Variants in WNT5B observed in about 807,000 individuals in gnomAD.
WNT5B encodes the protein protein Wnt-5b.
A neutral mutation model predicts 36.5 loss-of-function variants in WNT5B; 18 were observed. The observed-to-expected ratio is 0.49, with a 90% CI of 0.34 to 0.73. The LOEUF (loss-of-function observed/expected upper bound fraction) is 0.73, where lower values mean the gene tolerates loss of function less well. Ranked by LOEUF, WNT5B falls within the 30% of genes least tolerant of loss-of-function variation. The pLI is 0.01. For missense variants in WNT5B, 424 were observed against 508.4 expected (o/e 0.83, Z 1.60); for synonymous variants, 213 against 212.3 (o/e 1.00, Z -0.03).
intron 1 of WNT5B, among the ~76,000 whole-genome samples, chr12:1,623,541 T>G (rs919340249): frequency 1.3e-5 from 2 of 152,154 alleles, no homozygotes; most frequent in East Asian, 3.9e-4. Flanking sequence ...AAATCTAAGC[T>G]TTGAACAGAG....
intron 3 of WNT5B, among the ~76,000 whole-genome samples, chr12:1,638,363 G>A (rs1344662424): frequency 1.3e-5 from 2 of 152,214 alleles, no homozygotes; most frequent in Non-Finnish European, 2.9e-5. Context: ...TGTGTCATAT[G>A]GGAACTCTAC....
chr12:1,627,068 A>G (rs543147903), upstream of WNT5B, among the ~76,000 whole-genome samples: 67 of 152,314 alleles, frequency 4.4e-4, no homozygotes, highest in Non-Finnish European at 5.7e-4. This position sits in a 1 kb window ranked among gnomAD's most constrained non-coding sequence, Gnocchi z 5.0. Flanking sequence ...ACAACAGATG[A>G]GCACGCCACA....
In WNT5B at chr12:1,633,694, T is replaced by C. The variant is rs926135433; in HGVS notation, c.328+789T>C. 6.6e-6 allele frequency among the ~76,000 whole-genome samples: 1 copy of C among 152,186 alleles called. No individual in the cohort carries two copies. Among genetic ancestry groups the C allele is most frequent in the African/African-American group, 2.4e-5 (1 of 41,444 alleles). ...TATCCCCAGGGCCATAAAAGGGAAG[T>C]GTTAGAATGCTGTGTTCCTTCTGCC... On this transcript the variant is annotated intron_variant, in intron 3 of 4. Transcript: ENST00000397196. This position sits in a 1 kb window ranked among gnomAD's most constrained non-coding sequence, Gnocchi z 4.8.
rs1004136891 is a variant in WNT5B, at chr12:1,632,130, T to A, written c.81-528T>A. 6.6e-6 allele frequency among the ~76,000 whole-genome samples: 1 copy of A among 152,324 alleles called. No individual in the cohort carries two copies. The highest frequency in any genetic ancestry group is 2.1e-4 in the South Asian group (1 of 4,826). On this transcript the variant is annotated intron_variant, in intron 2 of 4. Transcript: ENST00000397196. This position sits in a 1 kb window ranked among gnomAD's most constrained non-coding sequence, Gnocchi z 5.8. ...GTGATGTATGTAAAGTGATTGGATT[T>A]TAAAGGCCCAAAGGGAGTACCACGC... is the stretch of plus-strand genomic sequence containing the variant.
At chr12:1,639,595 CG>C (rs2094569945) in intron 3 of WNT5B, 88 bp from the exon 4 acceptor site, 29 of 1,375,716 alleles carry the variant, frequency 2.1e-5, no homozygotes, top group Non-Finnish European at 2.6e-5. Flanking sequence ...AGAGCCGTGG[CG>C]TGCGGGTCCG....
intron 1 of WNT5B, among the ~76,000 whole-genome samples, chr12:1,622,137 G>A (rs1452026594): frequency 7.7e-6 from 1 of 129,680 alleles, no homozygotes; most frequent in Non-Finnish European, 1.6e-5. Flanking sequence ...TTGAGACGGA[G>A]TCTCGCTCTG....
chr12:1,629,486 G>GGCAGGGTGGTGGGCTGGGC, intron 1 of WNT5B, 115 bp downstream of exon 1: 1 of 152,730 alleles, frequency 6.5e-6, no homozygotes, highest in Admixed American at 6.5e-5. Context: ...TGTTGCGGGC[G>GGCAGGGTGGTGGGCTGGGC]GCAGGGTGGT....
intron 4 of WNT5B, among the ~76,000 whole-genome samples, chr12:1,643,609 G>T (rs369344328): frequency 2.4e-4 from 36 of 148,576 alleles, no homozygotes; most frequent in African/African-American, 8.7e-4. Flanking sequence ...CAGGTGATCC[G>T]CCCGCCTTGG....
rs2094570381 is a variant in WNT5B at position 1,639,681 on chromosome 12, C to T, written c.329-3C>T. The T allele has an allele frequency of 6.5e-7, 1 of 1,543,240 alleles. No individual in the cohort carries two copies. Among genetic ancestry groups the T allele is most frequent in the Non-Finnish European group, 8.7e-7 (1 of 1,153,828 alleles). On this transcript the variant is annotated splice_polypyrimidine_tract_variant and splice_region_variant and intron_variant, in intron 3 of 4. Coordinates refer to ENST00000397196, the MANE Select transcript of WNT5B (RefSeq NM_032642.3). The stretch of plus-strand genomic sequence containing the variant: ...CGCTTACCGCCCTGGCCTCATTCTG[C>T]AGGCAGCCGAGAGACCGCCTTCACC...
intron 3 of WNT5B, among the ~76,000 whole-genome samples, chr12:1,637,134 G>T (rs2094563298): frequency 6.6e-6 from 1 of 152,162 alleles, no homozygotes; most frequent in African/African-American, 2.4e-5. Context: ...ACAGGTGTGA[G>T]TCACCACGCC....
At chr12:1,645,584 C>T (rs1018699510) in intron 4 of WNT5B, among the ~76,000 whole-genome samples, 7 of 152,194 alleles carry the variant, frequency 4.6e-5, no homozygotes, top group African/African-American at 7.2e-5. Context: ...GTTGCCTTGC[C>T]GCCCCAGGGT....
chr12:1,623,325 A>AGC (rs1451501656), intron 1 of WNT5B, among the ~76,000 whole-genome samples: 3 of 29,980 alleles, frequency 1.0e-4, no homozygotes, highest in African/African-American at 6.2e-4. Context: ...CCTCCCGAGT[A>AGC]GCTGGGACTA....
rs1256771084 is a variant in WNT5B, at chr12:1,644,938, G to A, written c.622-856G>A. The A allele has an allele frequency of 6.6e-6, 1 of 152,248 alleles. No individual in the cohort carries two copies. The highest frequency in any genetic ancestry group is 1.5e-5 in the Non-Finnish European group (1 of 68,082). 9.4% of individuals were successfully genotyped at this position (152,248 alleles called of 1,614,324 possible). A position where few individuals can be genotyped will look rare whatever the true frequency, so the allele number is the denominator to read the frequency against. On this transcript the variant is annotated intron_variant, in intron 4 of 4. Coordinates refer to ENST00000397196, the MANE Select transcript of WNT5B (RefSeq NM_032642.3). The surrounding 1 kb of genome is among the most constrained non-coding windows in gnomAD (Gnocchi z 5.1). The stretch of plus-strand genomic sequence containing the variant: ...CAGTTCCCTTGCACGTTGCTTCACT[G>A]TGTTACTCCAGCTCTCCCAAGGGGG...
At position 1,639,821 on chromosome 12, in the gene WNT5B, T is replaced by TGGCTGTGGGGC; in HGVS notation, c.477_487dup (p.Asp163AlafsTer39). The stretch of plus-strand genomic sequence containing the variant: ...GCGGCCCAAGGACCTGCCCCGGGAC[T>TGGCTGTGGGGC]GGCTGTGGGGCGGCTGTGGGGACAA... On this transcript the variant is annotated frameshift_variant, in exon 4 of 5. Transcript: ENST00000397196. LOFTEE classifies it high-confidence loss of function. 6.2e-7 allele frequency: 1 copy of TGGCTGTGGGGC among 1,613,754 alleles called. No homozygotes were observed. Among genetic ancestry groups the TGGCTGTGGGGC allele is most frequent in the Middle Eastern group, 1.7e-4 (1 of 6,058 alleles).
rs770406255 is a variant in WNT5B at position 1,639,678 on chromosome 12, C to T, written c.329-6C>T. 1 of 1,539,750 alleles carries T rather than the reference C, an allele frequency of 6.5e-7. No homozygotes were observed. The highest frequency in any genetic ancestry group is 2.4e-5 in the East Asian group (1 of 42,490). On this transcript the variant is annotated splice_polypyrimidine_tract_variant and splice_region_variant and intron_variant, in intron 3 of 4. Coordinates refer to ENST00000397196, the MANE Select transcript of WNT5B (RefSeq NM_032642.3). Reference sequence around the variant, plus strand: ...ACCCGCTTACCGCCCTGGCCTCATTCTGCAGGCAGCCGAGAGACCGCCTTC... The same window carrying T: ...ACCCGCTTACCGCCCTGGCCTCATTTTGCAGGCAGCCGAGAGACCGCCTTC...
intron 1 of WNT5B, among the ~76,000 whole-genome samples, chr12:1,620,382 T>G (rs912913358): frequency 4.6e-5 from 7 of 152,256 alleles, no homozygotes; most frequent in African/African-American, 1.7e-4. Context: ...GTTCAGAAGA[T>G]CCATGCATGT....
rs370342819 is a variant in WNT5B, at chr12:1,639,414, G to T, written c.329-270G>T. On this transcript the variant is annotated intron_variant, in intron 3 of 4. Transcript: ENST00000397196. ...CGGCCTCCCAAAGGGCTGGGATTACGGGCTGAGCCACCGCGCCGGGCCAGG... is the reference window on the plus strand; with the variant it reads ...CGGCCTCCCAAAGGGCTGGGATTACTGGCTGAGCCACCGCGCCGGGCCAGG... Among the ~76,000 whole-genome samples, 13 of 151,680 alleles carry T rather than the reference G, an allele frequency of 8.6e-5. No individual in the cohort carries two copies. The South Asian group carries it at 1.0e-3, about 12-fold the overall frequency.
upstream of WNT5B, among the ~76,000 whole-genome samples, chr12:1,628,884 G>A (rs1443691145): frequency 6.6e-6 from 1 of 150,822 alleles, no homozygotes; most frequent in Non-Finnish European, 1.5e-5. Flanking sequence ...CTGTCTGCCA[G>A]GACAGAGAGC....
rs928745948 is a variant in WNT5B at position 1,618,890 on chromosome 12, A to G, written c.-58+1747A>G. On this transcript the variant is annotated intron_variant, in intron 1 of 4. Coordinates refer to the WNT5B transcript ENST00000310594. This position sits in a 1 kb window ranked among gnomAD's most constrained non-coding sequence, Gnocchi z 4.1. ...CCAGGAGTTGGAAGCTGGAAGCTCT[A>G]TTCTCTGGAACATCAGGCATTAGAT... is the stretch of plus-strand genomic sequence containing the variant. Among the ~76,000 whole-genome samples, 1 of 152,134 alleles carries G rather than the reference A, an allele frequency of 6.6e-6. No individual in the cohort carries two copies. The highest frequency in any genetic ancestry group is 2.1e-4 in the South Asian group (1 of 4,830).
Sources: allele counts gnomAD v4.1 joint callset (sites outside exome capture counted in the v4.1 genomes callset), GRCh38; gene constraint gnomAD v4.1.1; non-coding constraint Gnocchi (gnomAD v3.1); transcripts MANE v1.5; gene names NCBI Gene and HGNC (gene_info 2026-07-23, HGNC 2026-07-21).